The following FHIT variants were observed in gnomAD, a reference collection of about 807,000 sequenced individuals.
FHIT encodes the protein bis(5'-adenosyl)-triphosphatase.
In FHIT, 19 loss-of-function variants were observed where a neutral mutation model predicts 17.9. The ratio of observed to expected loss-of-function variants is 1.06; its 90% confidence interval spans 0.74 to 1.56. The LOEUF (loss-of-function observed/expected upper bound fraction) is 1.56. FHIT is among the 40% of genes most tolerant of loss of function. The pLI is 0.00. For synonymous variants in FHIT, 81 were observed against 69.7 expected, an observed-to-expected ratio of 1.16 and a Z score of -0.81; for missense variants, 248 against 189.2, an observed-to-expected ratio of 1.31 and a Z score of -1.82.
At chr3:60,480,189 G>A (rs761638145) in intron 5 of FHIT, among the ~76,000 whole-genome samples, 1 of 152,052 alleles carries the variant, frequency 6.6e-6, no homozygotes, top group Non-Finnish European at 1.5e-5. Context: ...GGAGAGTCCG[G>A]AGACTTATCA....
chr3:60,953,580 T>A (rs1185352117), intron 3 of FHIT, among the ~76,000 whole-genome samples: 1 of 152,176 alleles, frequency 6.6e-6, no homozygotes, highest in African/African-American at 2.4e-5. Context: ...CAGCTCCTTT[T>A]ATCACGTGGT....
At chr3:60,415,895 A>T (rs1702229552) in intron 5 of FHIT, among the ~76,000 whole-genome samples, 1 of 93,212 alleles carries the variant, frequency 1.1e-5, no homozygotes, top group Non-Finnish European at 2.3e-5. Context: ...TTATTATTAC[A>T]TACAATATAA....
chr3:60,125,512 A>C (rs1240088249), intron 5 of FHIT, among the ~76,000 whole-genome samples: 1 of 151,828 alleles, frequency 6.6e-6, no homozygotes, highest in Non-Finnish European at 1.5e-5. Context: ...CATGCCTGTA[A>C]TCCCAGCTAC....
chr3:59,756,146 G>GTTGT (rs1701206230), intron 8 of FHIT, among the ~76,000 whole-genome samples: 1 of 152,126 alleles, frequency 6.6e-6, no homozygotes, highest in Non-Finnish European at 1.5e-5. Flanking sequence ...TTCCACAGAG[G>GTTGT]TTGTTTCTAG....
At chr3:60,334,162 T>C (rs997124713) in intron 5 of FHIT, among the ~76,000 whole-genome samples, 2 of 152,182 alleles carry the variant, frequency 1.3e-5, no homozygotes, top group Non-Finnish European at 2.9e-5. Context: ...TCAGTAACCA[T>C]GTAATATTTT....
intron 3 of FHIT, among the ~76,000 whole-genome samples, chr3:60,996,122 T>A (rs1575813699): frequency 6.6e-6 from 1 of 152,346 alleles, no homozygotes; most frequent in South Asian, 2.1e-4. Flanking sequence ...CACTTCTCAC[T>A]TGCTTATAAG....
intron 2 of FHIT, among the ~76,000 whole-genome samples, chr3:61,177,713 C>G (rs1471423931): frequency 6.6e-6 from 1 of 152,070 alleles, no homozygotes; most frequent in Non-Finnish European, 1.5e-5. Context: ...AAAAAGCAAA[C>G]CTATCTCACA....
At chr3:60,020,417 T>C (rs950809912) in intron 5 of FHIT, among the ~76,000 whole-genome samples, 1 of 152,198 alleles carries the variant, frequency 6.6e-6, no homozygotes, top group African/African-American at 2.4e-5. Context: ...TCTGATCTAT[T>C]CTAGGGATTC....
At chr3:60,985,145 C>A (rs566520340) in intron 3 of FHIT, among the ~76,000 whole-genome samples, 113 of 152,248 alleles carry the variant, frequency 7.4e-4, no homozygotes, top group Middle Eastern at 3.4e-3. Context: ...GACCTCCAAG[C>A]TTATTTCCCA....
intron 4 of FHIT, among the ~76,000 whole-genome samples, chr3:60,570,708 C>T (rs189502395): frequency 2.7e-4 from 33 of 121,070 alleles, no homozygotes; most frequent in Non-Finnish European, 4.4e-4. Context: ...TCTTTGAAGG[C>T]AGAAACAATA....
At chr3:59,927,136 G>T (rs1040739560) in intron 7 of FHIT, among the ~76,000 whole-genome samples, 6 of 150,894 alleles carry the variant, frequency 4.0e-5, no homozygotes, top group Non-Finnish European at 5.9e-5. Context: ...ATATGATTTG[G>T]CCATAAAAAG....
intron 4 of FHIT, among the ~76,000 whole-genome samples, chr3:60,537,935 G>A (rs992119950): frequency 1.3e-4 from 18 of 142,464 alleles, no homozygotes; most frequent in Non-Finnish European, 2.7e-4. Context: ...ATTACAAAAA[G>A]GATGAAATTA....
chr3:60,775,088 C>T (rs1350572052), intron 4 of FHIT, among the ~76,000 whole-genome samples: 2 of 152,122 alleles, frequency 1.3e-5, no homozygotes, highest in Non-Finnish European at 2.9e-5. Flanking sequence ...AGTGCAGCTC[C>T]TTTCATATTA....
intron 4 of FHIT, among the ~76,000 whole-genome samples, chr3:60,645,282 G>A (rs1162505451): frequency 4.6e-5 from 7 of 152,106 alleles, no homozygotes; most frequent in Non-Finnish European, 7.3e-5. Context: ...GCAAGCAGGA[G>A]CATTCCTACC....
chr3:59,994,272 G>C (rs969489996), intron 7 of FHIT, among the ~76,000 whole-genome samples: 1 of 152,066 alleles, frequency 6.6e-6, no homozygotes, highest in East Asian at 1.9e-4. Context: ...AATGCAAATA[G>C]ATGCTCATTA....
intron 5 of FHIT, among the ~76,000 whole-genome samples, chr3:60,252,128 C>T (rs1232703023): frequency 6.6e-6 from 1 of 152,096 alleles, no homozygotes; most frequent in African/African-American, 2.4e-5. Context: ...TGTATTAATT[C>T]AAAAATATTT....
Position 60,902,511 on chromosome 3 carries a change from C to T in FHIT, c.-110-80500G>A, listed in dbSNP as rs190962813. Among the ~76,000 whole-genome samples the T allele has an allele frequency of 2.9e-3, 435 of 152,282 alleles. 2 individuals carry two copies. Among genetic ancestry groups the T allele is most frequent in the African/African-American group, 0.01 (418 of 41,558 alleles). ...CCCATAGCCAGGCCTGATCAAATAA[C>T]ATATTCAGTCATCCTGATAATATGG... is the stretch of plus-strand genomic sequence containing the variant. On this transcript the variant is annotated intron_variant, in intron 3 of 9. Transcript: ENST00000492590.
intron 4 of FHIT, among the ~76,000 whole-genome samples, chr3:60,541,427 G>A (rs1433615064): frequency 6.6e-6 from 1 of 152,098 alleles, no homozygotes; most frequent in Non-Finnish European, 1.5e-5. Context: ...TACTTCCTTA[G>A]AGTCTTAGCT....
intron 5 of FHIT, among the ~76,000 whole-genome samples, chr3:60,053,321 G>T (rs916834828): frequency 6.7e-6 from 1 of 149,526 alleles, no homozygotes; most frequent in Non-Finnish European, 1.5e-5. Context: ...CTAAACTGTT[G>T]CCCTCACCAT....
Sources: allele counts gnomAD v4.1 joint callset (sites outside exome capture counted in the v4.1 genomes callset), GRCh38; gene constraint gnomAD v4.1.1; transcripts MANE v1.5; gene names NCBI Gene and HGNC (gene_info 2026-07-23, HGNC 2026-07-21).